FGF12: variants seen among roughly 807,000 people sequenced by gnomAD.
The protein encoded by FGF12 is fibroblast growth factor 12B.
Under a neutral mutation model 23.6 loss-of-function variants are expected in FGF12, and 14 were observed. The ratio of observed to expected loss-of-function variants is 0.59; its 90% CI spans 0.39 to 0.93. The LOEUF (loss-of-function observed/expected upper bound fraction) is 0.93, where lower values mean the gene tolerates loss of function less well. Among genes scored for constraint, FGF12 ranks in the 40% least tolerant of loss-of-function variants. The probability of loss-of-function intolerance (pLI) is 0.00; values close to 1 mark genes in which losing one functional copy is unlikely to be tolerated. For missense variants in FGF12, 175 were observed against 217.8 expected (o/e 0.80, Z 1.24); for synonymous variants, 62 against 77.3 (o/e 0.80, Z 1.04).
chr3:192,457,012 G>A (rs7629747), intron 2 of FGF12, among the ~76,000 whole-genome samples: 8,628 of 152,194 alleles, frequency 0.057, 817 homozygotes, highest in African/African-American at 0.19. Flanking sequence ...TACTGTTCCC[G>A]TGGTAGGGAA....
At chr3:192,519,046 T>G (rs1332520874) in intron 2 of FGF12, among the ~76,000 whole-genome samples, 1 of 152,130 alleles carries the variant, frequency 6.6e-6, no homozygotes, top group African/African-American at 2.4e-5. Flanking sequence ...CCAATTTCCC[T>G]AATGTTAATG....
At chr3:192,658,785 T>G (rs1284704082) in intron 2 of FGF12, among the ~76,000 whole-genome samples, 1 of 151,648 alleles carries the variant, frequency 6.6e-6, no homozygotes, top group East Asian at 1.9e-4. Context: ...CATTAGAAGC[T>G]GAAGACAGAG....
At position 192,514,487 on chromosome 3, in the gene FGF12, G is replaced by GA. The variant is rs1414840738; in HGVS notation, c.14-153950dup. On this transcript the variant is annotated intron_variant, in intron 2 of 5. Transcript: ENST00000445105. The surrounding 1 kb of genome is among the most constrained non-coding windows in gnomAD (Gnocchi z 4.9). Reference sequence around the variant, plus strand: ...CGTCGATGACTTCAGGGATTTAAAAGAAAAAATACCCACAGACAGAACCAG... The same window carrying GA: ...CGTCGATGACTTCAGGGATTTAAAAGAAAAAAATACCCACAGACAGAACCAG... Among the ~76,000 whole-genome samples the GA allele has an allele frequency of 9.2e-5, 14 of 152,198 alleles. No homozygotes were observed. Among genetic ancestry groups the GA allele is most frequent in the Admixed American group, 9.2e-4 (14 of 15,286 alleles).
At chr3:192,213,966 C>A (rs1718062626) in intron 4 of FGF12, among the ~76,000 whole-genome samples, 2 of 152,162 alleles carry the variant, frequency 1.3e-5, no homozygotes, top group South Asian at 4.1e-4. Context: ...CATGAAAGAC[C>A]CAAGTCAAGA....
intron 2 of FGF12, among the ~76,000 whole-genome samples, chr3:192,394,565 G>A (rs975909299): frequency 2.6e-5 from 4 of 152,050 alleles, no homozygotes; most frequent in Non-Finnish European, 4.4e-5. Flanking sequence ...AAGGAATTTC[G>A]GAAATCATTG....
At chr3:192,324,432 T>A (rs1716711711) in intron 4 of FGF12, among the ~76,000 whole-genome samples, 1 of 152,206 alleles carries the variant, frequency 6.6e-6, no homozygotes, top group African/African-American at 2.4e-5. Flanking sequence ...ATATATCTAC[T>A]GCTGCTACTG....
intron 4 of FGF12, among the ~76,000 whole-genome samples, chr3:192,253,615 G>T (rs918650788): frequency 2.0e-5 from 3 of 152,044 alleles, no homozygotes; most frequent in Non-Finnish European, 4.4e-5. Context: ...GAAAAGGCTG[G>T]ATGTGGCTAA....
chr3:192,198,854 C>G (rs1370027248), intron 4 of FGF12, among the ~76,000 whole-genome samples: 2 of 152,218 alleles, frequency 1.3e-5, no homozygotes, highest in African/African-American at 4.8e-5. Flanking sequence ...TCTCTGGACA[C>G]TACCAGAGAC....
chr3:192,256,579 T>A (rs995901705), intron 4 of FGF12, among the ~76,000 whole-genome samples: 2 of 152,150 alleles, frequency 1.3e-5, no homozygotes, highest in African/African-American at 2.4e-5. Context: ...GCCATATATT[T>A]AAAGCATTTA....
intron 2 of FGF12, among the ~76,000 whole-genome samples, chr3:192,677,088 C>T (rs1027666897): frequency 4.6e-5 from 7 of 152,174 alleles, no homozygotes; most frequent in African/African-American, 1.7e-4. Context: ...TGTCCTAACC[C>T]CAGCCTAAAC....
chr3:192,636,065 G>A (rs1182319967), intron 2 of FGF12, among the ~76,000 whole-genome samples: 1 of 152,114 alleles, frequency 6.6e-6, no homozygotes, highest in Non-Finnish European at 1.5e-5. Flanking sequence ...GGGAGCTGGA[G>A]GATAAATGGC....
rs918470212 is a variant in FGF12, at chr3:192,514,226, A to G, written c.14-153688T>C. On this transcript the variant is annotated intron_variant, in intron 2 of 5. Transcript: ENST00000445105. The surrounding 1 kb of genome is among the most constrained non-coding windows in gnomAD (Gnocchi z 4.9). ...TGTCTACTTTTCAGACAAAGCAAGA[A>G]AAAGAAAATATACCTGCCTTGCCAG... 2.6e-5 allele frequency among the ~76,000 whole-genome samples: 4 copies of G among 152,222 alleles called. No homozygotes were observed. The highest frequency in any genetic ancestry group is 9.6e-5 in the African/African-American group (4 of 41,452).
chr3:192,476,918 A>T (rs1254584459), intron 2 of FGF12, among the ~76,000 whole-genome samples: 6 of 152,216 alleles, frequency 3.9e-5, no homozygotes, highest in African/African-American at 1.2e-4. Context: ...CGGATGATTA[A>T]GTTGATATCA....
At chr3:192,353,891 A>G (rs547181829) in intron 3 of FGF12, among the ~76,000 whole-genome samples, 1 of 152,368 alleles carries the variant, frequency 6.6e-6, no homozygotes, top group East Asian at 1.9e-4. Context: ...TAACAAATTT[A>G]GAACATCTGT....
At chr3:192,690,191 A>T (rs188968858) in intron 2 of FGF12, among the ~76,000 whole-genome samples, 7 of 152,198 alleles carry the variant, frequency 4.6e-5, no homozygotes, top group Admixed American at 2.6e-4. Flanking sequence ...CTTACTAATT[A>T]GTAACATAAA....
chr3:192,527,788 G>A (rs971452139), intron 2 of FGF12, among the ~76,000 whole-genome samples: 2 of 152,288 alleles, frequency 1.3e-5, no homozygotes, highest in African/African-American at 4.8e-5. Context: ...GTTCCACGTG[G>A]CTGGGGAGGC....
intron 2 of FGF12, among the ~76,000 whole-genome samples, chr3:192,456,933 C>T (rs557291868): frequency 9.5e-4 from 144 of 152,342 alleles, no homozygotes; most frequent in African/African-American, 3.1e-3. Flanking sequence ...ATTATACTCC[C>T]ATAATTCCCA....
intron 2 of FGF12, among the ~76,000 whole-genome samples, chr3:192,612,988 T>C (rs530910829): frequency 1.4e-4 from 21 of 151,890 alleles, no homozygotes; most frequent in African/African-American, 4.8e-4. Context: ...AACTGTGGGA[T>C]AGACAAATAA....
intron 2 of FGF12, among the ~76,000 whole-genome samples, chr3:192,531,776 T>A (rs963825825): frequency 6.6e-6 from 1 of 152,240 alleles, no homozygotes; most frequent in African/African-American, 2.4e-5. Context: ...CGCTTGATGC[T>A]GTCACTGACA....
Sources: gnomAD v4.1 joint callset for allele counts (sites outside exome capture counted in the v4.1 genomes callset) on GRCh38, gnomAD v4.1.1 for gene constraint, Gnocchi (gnomAD v3.1) non-coding constraint, MANE v1.5 for transcripts, NCBI Gene and HGNC (gene_info 2026-07-23, HGNC 2026-07-21) for gene names.